Variants in GPC6 observed in about 807,000 individuals in gnomAD.
GPC6 encodes the protein glypican 6, also known as glypican-6.
In GPC6, 14 loss-of-function variants were observed where a neutral mutation model predicts 55.2. The observed-to-expected ratio is 0.25, with a 90% confidence interval of 0.17 to 0.40. GPC6 has a LOEUF of 0.40. GPC6 is among the 10% of genes least tolerant of loss of function. GPC6 has a pLI of 1.00. For synonymous variants in GPC6, 278 were observed against 259.6 expected, an observed-to-expected ratio of 1.07 and a Z score of -0.68; for missense variants, 641 against 708.5, an observed-to-expected ratio of 0.90 and a Z score of 1.08.
intron 4 of GPC6, among the ~76,000 whole-genome samples, chr13:94,206,362 A>G (rs1337178372): frequency 2.6e-5 from 4 of 152,254 alleles, no homozygotes; most frequent in Middle Eastern, 3.4e-3. Flanking sequence ...CATTCACACT[A>G]CATGCTGCAG....
At chr13:94,110,941 TG>T (rs1409346181) in intron 4 of GPC6, among the ~76,000 whole-genome samples, 1 of 152,154 alleles carries the variant, frequency 6.6e-6, no homozygotes. Flanking sequence ...AGTGCTGACT[TG>T]TTCTCTGGAG....
At chr13:93,996,877 TC>T (rs1881580511) in intron 3 of GPC6, among the ~76,000 whole-genome samples, 1 of 152,206 alleles carries the variant, frequency 6.6e-6, no homozygotes. Flanking sequence ...TTATAGGACA[TC>T]TAAATTAGAA....
Position 94,221,024 on chromosome 13 carries a change from G to A in GPC6, c.878-65325G>A, listed in dbSNP as rs9584201. ...CGGTTAGGACCCAAAGTTTTGTGTTGTACAGGAAGGTGACTTTAGCCTAAA... is the reference window on the plus strand; with the variant it reads ...CGGTTAGGACCCAAAGTTTTGTGTTATACAGGAAGGTGACTTTAGCCTAAA... On this transcript the variant is annotated intron_variant, in intron 4 of 8. Coordinates refer to ENST00000377047, the MANE Select transcript of GPC6 (RefSeq NM_005708.5). Among the ~76,000 whole-genome samples, 1,399 of 152,166 alleles carry A rather than the reference G, an allele frequency of 9.2e-3. 16 individuals carry two copies. The highest frequency in any genetic ancestry group is 0.03 in the African/African-American group (1,235 of 41,536).
chr13:94,312,108 C>A (rs1438213110), intron 6 of GPC6, among the ~76,000 whole-genome samples: 7 of 152,186 alleles, frequency 4.6e-5, no homozygotes, highest in African/African-American at 1.7e-4. Flanking sequence ...CATAACATCC[C>A]TGTGTGTCTG....
At chr13:94,280,776 T>C (rs1333876381) in intron 4 of GPC6, among the ~76,000 whole-genome samples, 1 of 152,150 alleles carries the variant, frequency 6.6e-6, no homozygotes, top group Non-Finnish European at 1.5e-5. Context: ...TAGGTGAGCA[T>C]TGCTTCTAAA....
At chr13:93,587,860 T>TCCTAAA (rs1270582445) in intron 2 of GPC6, among the ~76,000 whole-genome samples, 1 of 152,170 alleles carries the variant, frequency 6.6e-6, no homozygotes, top group Non-Finnish European at 1.5e-5. Flanking sequence ...ATAATGCGTT[T>TCCTAAA]CGAAATTTAA....
chr13:93,741,075 T>C (rs995315217), intron 2 of GPC6, among the ~76,000 whole-genome samples: 1 of 151,782 alleles, frequency 6.6e-6, no homozygotes, highest in African/African-American at 2.4e-5. Context: ...AGTTTTTCTA[T>C]TATGTTTGAA....
intron 1 of GPC6, among the ~76,000 whole-genome samples, chr13:93,391,347 G>A (rs1033697582): frequency 3.9e-5 from 6 of 152,064 alleles, no homozygotes; most frequent in Admixed American, 1.3e-4. Flanking sequence ...TACAACCAAT[G>A]TCACTCCCCA....
Position 93,830,147 on chromosome 13 carries a change from T to C in GPC6, c.320-7T>C. ...TAATTTATGACTTCTTTCTGTTTTATCTGCAGAATTTTTCCGAGAGCTCCT... is the reference window on the plus strand; with the variant it reads ...TAATTTATGACTTCTTTCTGTTTTACCTGCAGAATTTTTCCGAGAGCTCCT... On this transcript the variant is annotated splice_region_variant and splice_polypyrimidine_tract_variant and intron_variant, in intron 2 of 8. Transcript: ENST00000377047. The C allele has an allele frequency of 6.2e-7, 1 of 1,607,806 alleles. No individual in the cohort carries two copies. Among genetic ancestry groups the C allele is most frequent in the African/African-American group, 1.3e-5 (1 of 74,778 alleles).
chr13:93,381,037 T>G (rs1875147181), intron 1 of GPC6, among the ~76,000 whole-genome samples: 2 of 152,188 alleles, frequency 1.3e-5, no homozygotes, highest in South Asian at 4.1e-4. Flanking sequence ...ATTCTTAATC[T>G]GAAAGCATAA....
intron 1 of GPC6, among the ~76,000 whole-genome samples, chr13:93,497,862 C>A (rs1880365608): frequency 6.6e-6 from 1 of 152,170 alleles, no homozygotes; most frequent in Non-Finnish European, 1.5e-5. Context: ...CCAGGGCTGT[C>A]CTTGGGGAAA....
intron 3 of GPC6, among the ~76,000 whole-genome samples, chr13:93,925,658 C>G (rs896523322): frequency 5.3e-5 from 8 of 152,168 alleles, no homozygotes; most frequent in Non-Finnish European, 1.2e-4. Context: ...CATAAGACAA[C>G]AACCATATTA....
chr13:93,262,532 T>C (rs1315229078), intron 1 of GPC6, among the ~76,000 whole-genome samples: 1 of 152,236 alleles, frequency 6.6e-6, no homozygotes, highest in Non-Finnish European at 1.5e-5. Context: ...GATAGGCCTC[T>C]TTAGAGGCTA....
At chr13:93,677,649 A>C (rs906339191) in intron 2 of GPC6, among the ~76,000 whole-genome samples, 1 of 152,150 alleles carries the variant, frequency 6.6e-6, no homozygotes. Context: ...AGGCCAGAGG[A>C]CCACATAAAT....
intron 3 of GPC6, among the ~76,000 whole-genome samples, chr13:93,995,060 A>AT (rs1186548043): frequency 6.6e-6 from 1 of 152,074 alleles, no homozygotes; most frequent in African/African-American, 2.4e-5. Context: ...ATTTTTACTT[A>AT]TTTTTTAAAG....
intron 1 of GPC6, among the ~76,000 whole-genome samples, chr13:93,404,848 C>G (rs1876229090): frequency 6.6e-6 from 1 of 152,016 alleles, no homozygotes; most frequent in African/African-American, 2.4e-5. Context: ...ACAGTTATGA[C>G]AGTCTGGTTT....
At chr13:93,889,729 T>C (rs1875553622) in intron 3 of GPC6, among the ~76,000 whole-genome samples, 2 of 152,154 alleles carry the variant, frequency 1.3e-5, no homozygotes, top group Non-Finnish European at 2.9e-5. Context: ...CTTTTTATTC[T>C]GGCCCCATGG....
intron 2 of GPC6, among the ~76,000 whole-genome samples, chr13:93,818,256 G>A (rs1408600507): frequency 6.6e-6 from 1 of 151,506 alleles, no homozygotes; most frequent in Admixed American, 6.6e-5. Flanking sequence ...AGACATCTGT[G>A]GAACAAGGTA....
chr13:94,123,122 G>A (rs569052439), intron 4 of GPC6, among the ~76,000 whole-genome samples: 1 of 151,864 alleles, frequency 6.6e-6, no homozygotes. Context: ...TTTTCAAAAT[G>A]TTAAAACTTA....
Sources: allele counts gnomAD v4.1 joint callset (sites outside exome capture counted in the v4.1 genomes callset), GRCh38; gene constraint gnomAD v4.1.1; transcripts MANE v1.5; gene names NCBI Gene and HGNC (gene_info 2026-07-23, HGNC 2026-07-21).